WWP2: variants seen among roughly 807,000 people sequenced by gnomAD.
The protein encoded by WWP2 is WW domain containing E3 ubiquitin protein ligase 2, also known as NEDD4-like E3 ubiquitin-protein ligase WWP2.
In WWP2, 57 loss-of-function variants were observed where a neutral mutation model predicts 121.0. The observed-to-expected ratio is 0.47, with a 90% CI of 0.38 to 0.59. The LOEUF (loss-of-function observed/expected upper bound fraction) is 0.59. WWP2 is among the 20% of genes least tolerant of loss of function. WWP2 has a pLI of 0.00. For synonymous variants in WWP2, 449 were observed against 441.3 expected (o/e 1.02, Z -0.22); for missense variants, 962 against 1,158.9 (o/e 0.83, Z 2.47).
rs183898270 is a variant in WWP2 at position 69,901,011 on chromosome 16, C to A, written c.915-7750C>A. ...GCTAGTTCCTTATTTCAGGAAGGGT[C>A]CTTCGGGGAAGGACTGAGTTTAACA... On this transcript the variant is annotated intron_variant, in intron 8 of 23. Transcript: ENST00000359154. Among the ~76,000 whole-genome samples, 190 of 152,214 alleles carry A rather than the reference C, an allele frequency of 1.2e-3. 1 individual carries two copies. Among genetic ancestry groups the A allele is most frequent in the South Asian group, 4.6e-3 (22 of 4,818 alleles).
At chr16:69,794,943 A>G (rs78944503) in intron 2 of WWP2, among the ~76,000 whole-genome samples, 6,909 of 152,272 alleles carry the variant, frequency 0.045, 186 homozygotes, top group South Asian at 0.084. Context: ...GGGACTGGGC[A>G]GTAGCTCATG....
intron 4 of WWP2, among the ~76,000 whole-genome samples, chr16:69,810,018 C>T (rs763561480): frequency 2.6e-5 from 4 of 152,080 alleles, no homozygotes; most frequent in South Asian, 2.1e-4. Context: ...GGTCACAGTG[C>T]GGTTAGGTAA....
Position 69,935,059 on chromosome 16 carries a change from G to T in WWP2, c.1843-794G>T, listed in dbSNP as rs756435168. Among the ~76,000 whole-genome samples the T allele has an allele frequency of 6.6e-6, 1 of 152,208 alleles. No homozygotes were observed. Among genetic ancestry groups the T allele is most frequent in the Non-Finnish European group, 1.5e-5 (1 of 68,030 alleles). On this transcript the variant is annotated intron_variant, in intron 17 of 23. Transcript: ENST00000359154. This position sits in a 1 kb window ranked among gnomAD's most constrained non-coding sequence, Gnocchi z 5.2. ...AATATGGAAAGGGAGGTCCTGCCAC[G>T]TGCCCCGTTGAGGGTCCTGGGAGCG...
intron 6 of WWP2, among the ~76,000 whole-genome samples, chr16:69,850,342 A>G (rs1053455277): frequency 2.0e-5 from 3 of 149,532 alleles, no homozygotes; most frequent in Admixed American, 6.8e-5. Context: ...AGCCGAGATC[A>G]CACCACTGCA....
intron 22 of WWP2, 72 bp downstream of exon 22, chr16:69,939,195 C>T: frequency 6.4e-7 from 1 of 1,559,312 alleles, no homozygotes; most frequent in East Asian, 2.4e-5. Context: ...GAAACCTAGT[C>T]TCTTCCTGGA....
intron 14 of WWP2, 113 bp from the exon 15 acceptor site, chr16:69,931,396 C>A: frequency 6.7e-7 from 1 of 1,492,412 alleles, no homozygotes; most frequent in Non-Finnish European, 9.2e-7. Flanking sequence ...ATTCCTAGGG[C>A]ACATGCTATT....
chr16:69,844,396 C>G (rs1402599849), intron 6 of WWP2, among the ~76,000 whole-genome samples: 1 of 152,196 alleles, frequency 6.6e-6, no homozygotes, highest in Non-Finnish European at 1.5e-5. Context: ...AGAGTGATGC[C>G]TTCTCAGCTT....
chr16:69,789,299 G>A (rs537754129), intron 2 of WWP2, among the ~76,000 whole-genome samples: 2 of 152,160 alleles, frequency 1.3e-5, no homozygotes, highest in East Asian at 1.9e-4. Flanking sequence ...GTGCGATCTC[G>A]ACTCACTGTA....
chr16:69,871,704 A>G (rs951382605), intron 6 of WWP2, 100 bp from the exon 7 acceptor site: 72 of 1,532,500 alleles, frequency 4.7e-5, no homozygotes, highest in Admixed American at 7.5e-5. Flanking sequence ...CTTGTTTCCA[A>G]TAAATGGCAG....
chr16:69,854,088 G>T (rs2057267336), intron 6 of WWP2, among the ~76,000 whole-genome samples: 1 of 152,218 alleles, frequency 6.6e-6, no homozygotes, highest in South Asian at 2.1e-4. Flanking sequence ...CAGGGCACGT[G>T]AGTGCTAGTT....
At position 69,935,592 on chromosome 16, in the gene WWP2, G is replaced by A. The variant is rs1293525813; in HGVS notation, c.1843-261G>A. On this transcript the variant is annotated intron_variant, in intron 17 of 23. Transcript: ENST00000359154. This position sits in a 1 kb window ranked among gnomAD's most constrained non-coding sequence, Gnocchi z 5.2. The stretch of plus-strand genomic sequence containing the variant: ...GTGCGGGGCAGATGCGGGCCCGGAC[G>A]TGGGTTCCCGCACCAGCTGGCTCTG... 3.3e-5 allele frequency among the ~76,000 whole-genome samples: 5 copies of A among 152,252 alleles called. No homozygotes were observed. Among genetic ancestry groups the A allele is most frequent in the Admixed American group, 2.0e-4 (3 of 15,284 alleles).
Position 69,799,585 on chromosome 16 carries a change from C to T in WWP2, c.340+290C>T. 3.0e-6 allele frequency: 1 copy of T among 336,572 alleles called. No individual in the cohort carries two copies. The highest frequency in any genetic ancestry group is 5.5e-6 in the Non-Finnish European group (1 of 181,202). The allele number at this position is 336,572 out of a possible 1,614,324, so 20.8% of individuals were successfully genotyped here. A position where few individuals can be genotyped will look rare whatever the true frequency, so the allele number is the denominator to read the frequency against. ...TCTGCCTCTGCTCCTCTTCCCGTTGCAGGAGATGTGTGATATGTTGAATGA... is the reference window on the plus strand; with the variant it reads ...TCTGCCTCTGCTCCTCTTCCCGTTGTAGGAGATGTGTGATATGTTGAATGA... On this transcript the variant is annotated intron_variant, in intron 4 of 23. Coordinates refer to ENST00000359154, the MANE Select transcript of WWP2 (RefSeq NM_001270454.2). This position sits in a 1 kb window ranked among gnomAD's most constrained non-coding sequence, Gnocchi z 4.5.
chr16:69,826,547 G>A (rs181374636), intron 4 of WWP2, among the ~76,000 whole-genome samples: 4 of 145,698 alleles, frequency 2.7e-5, no homozygotes, highest in Admixed American at 1.4e-4. Context: ...ACTCCAGGCT[G>A]GGCAACAGAG....
intron 1 of WWP2, chr16:69,783,184 A>C (rs2055702380): frequency 6.6e-6 from 1 of 151,688 alleles, no homozygotes; most frequent in Non-Finnish European, 1.5e-5. Context: ...TAATTCTTGT[A>C]TTTTTAGTAG....
intron 6 of WWP2, among the ~76,000 whole-genome samples, chr16:69,857,968 G>C (rs1459390952): frequency 6.6e-6 from 1 of 151,984 alleles, no homozygotes; most frequent in Non-Finnish European, 1.5e-5. Context: ...ACTCTATAAC[G>C]ACAAAATGAC....
chr16:69,930,168 T>C lies in WWP2; in HGVS notation c.1355T>C (p.Met452Thr). 1 of 1,613,988 alleles carries C rather than the reference T, an allele frequency of 6.2e-7. No homozygotes were observed. Among genetic ancestry groups the C allele is most frequent in the Non-Finnish European group, 8.5e-7 (1 of 1,179,962 alleles). The stretch of plus-strand genomic sequence containing the variant: ...CCAGCTCTGCCCCCAGGATGGGAGA[T>C]GAAATACACCAGCGAGGGGGTGCGA... ...QEPALPPGWE[M>T]KYTSEGVRYF... Residue 452 changes from methionine (M) to threonine (T), a missense_variant, in exon 13 of 24, where the codon ATG becomes ACG. This residue lies in a region of WWP2 where 606 missense variants were observed against 772.6 expected (regional missense o/e 0.78). Coordinates refer to ENST00000359154, the MANE Select transcript of WWP2 (RefSeq NM_001270454.2).
At chr16:69,764,655 C>T (rs1201543565) in intron 1 of WWP2, among the ~76,000 whole-genome samples, 1 of 152,156 alleles carries the variant, frequency 6.6e-6, no homozygotes, top group African/African-American at 2.4e-5. Flanking sequence ...TTCTTTCATT[C>T]AGTGAATATT....
chr16:69,804,780 G>C (rs374510071), intron 4 of WWP2, among the ~76,000 whole-genome samples: 2 of 151,854 alleles, frequency 1.3e-5, no homozygotes, highest in Admixed American at 1.3e-4. Flanking sequence ...TAACGTAATG[G>C]GGAATTTTCA....
chr16:69,935,833 C>T lies in WWP2; in HGVS notation c.1843-20C>T. ...GCCCAGGGAAGGCCAAACCTCTGTG[C>T]TGTGCCTCTTCCTTCCCAGGCGCTG... On this transcript the variant is annotated intron_variant, in intron 17 of 23. Transcript: ENST00000359154. This position sits in a 1 kb window ranked among gnomAD's most constrained non-coding sequence, Gnocchi z 5.2. The T allele has an allele frequency of 6.2e-7, 1 of 1,605,178 alleles. No individual in the cohort carries two copies.
Sources: gnomAD v4.1 joint callset for allele counts (sites outside exome capture counted in the v4.1 genomes callset) on GRCh38, gnomAD v4.1.1 for gene constraint, gnomAD v4.1.1 regional missense constraint, Gnocchi (gnomAD v3.1) non-coding constraint, MANE v1.5 for transcripts, NCBI Gene and HGNC (gene_info 2026-07-23, HGNC 2026-07-21) for gene names.